The following SLC10A6 variants were observed in gnomAD, a reference collection of about 807,000 sequenced individuals.
SLC10A6 encodes the protein solute carrier family 10 member 6, also known as sodium-dependent organic anion transporter.
A neutral mutation model predicts 30.0 loss-of-function variants in SLC10A6; 27 were observed. That is an observed-to-expected ratio of 0.90 (90% CI 0.66 to 1.24). SLC10A6 has a LOEUF of 1.24. Among genes scored for constraint, SLC10A6 ranks in the 50% most tolerant of loss-of-function variants. SLC10A6 has a pLI of 0.00. For missense variants in SLC10A6, 439 were observed against 457.0 expected (o/e 0.96, Z 0.36); for synonymous variants, 166 against 173.8 (o/e 0.95, Z 0.36).
At chr4:86,839,154 G>C (rs189210407) in intron 1 of SLC10A6, among the ~76,000 whole-genome samples, 2 of 150,888 alleles carry the variant, frequency 1.3e-5, no homozygotes, top group Admixed American at 1.3e-4. Flanking sequence ...AAAGGAATCA[G>C]ACCAGGTGCA....
At chr4:86,842,819 T>TTTCTTTCTTTCTTTCTTTCC (rs1746318195) in intron 1 of SLC10A6, among the ~76,000 whole-genome samples, 1 of 42,634 alleles carries the variant, frequency 2.3e-5, no homozygotes, top group Non-Finnish European at 5.5e-5. Context: ...TCTTTCTTTC[T>TTTCTTTCTTTCTTTCTTTCC]TTCTTTCTTT....
At chr4:86,842,877 T>TCTTTCTTTCTTTCTTTCTTTCTTTCTTC (rs201477476) in intron 1 of SLC10A6, among the ~76,000 whole-genome samples, 1 of 119,782 alleles carries the variant, frequency 8.3e-6, no homozygotes, top group Non-Finnish European at 1.6e-5. Flanking sequence ...TTTCTTTCTT[T>TCTTTCTTTCTTTCTTTCTTTCTTTCTTC]TTTTTTTTGA....
rs141733078 is a variant in SLC10A6 at position 86,842,292 on chromosome 4, C to T, written c.377+6447G>A. 2.2e-3 allele frequency among the ~76,000 whole-genome samples: 337 copies of T among 152,338 alleles called. 2 individuals are homozygous for T. Among genetic ancestry groups the T allele is most frequent in the Non-Finnish European group, 3.4e-3 (230 of 68,028 alleles). ...AAAGTTGGCCACTGAGCTCCACAGG[C>T]TCCAACACCACCAGTGGTCAGAATC... On this transcript the variant is annotated intron_variant, in intron 1 of 5. Coordinates refer to ENST00000273905, the MANE Select transcript of SLC10A6 (RefSeq NM_197965.3).
chr4:86,839,470 C>T (rs1746254460), intron 1 of SLC10A6, among the ~76,000 whole-genome samples: 1 of 151,940 alleles, frequency 6.6e-6, no homozygotes, highest in Non-Finnish European at 1.5e-5. Flanking sequence ...AAAAAGGAAC[C>T]TTATAATATA....
Position 86,848,900 on chromosome 4 carries a change from C to G in SLC10A6, c.216G>C (p.Leu72=), listed in dbSNP as rs369732989. 10 of 1,614,090 alleles carry G rather than the reference C, an allele frequency of 6.2e-6. No homozygotes were observed. In the African/African-American group the frequency reaches 1.3e-4, roughly 22 times the overall value. Residue 72 remains leucine, a synonymous_variant, in exon 1 of 6, where the codon CTG becomes CTC. Transcript: ENST00000273905. ...IRRPWGIAVG[L]LCQFGLMPFT... ...AAGGCATGAGCCCAAACTGGCAGAG[C>G]AGTCCCACAGCAATGCCCCAGGGTC...
At chr4:86,825,830 C>T (rs1263530558) in intron 4 of SLC10A6, among the ~76,000 whole-genome samples, 1 of 152,022 alleles carries the variant, frequency 6.6e-6, no homozygotes, top group African/African-American at 2.4e-5. Flanking sequence ...GGTTCAGCAA[C>T]AACACAAGAC....
At chr4:86,842,878 T>TTTC (rs1560461956) in intron 1 of SLC10A6, among the ~76,000 whole-genome samples, 15 of 84,726 alleles carry the variant, frequency 1.8e-4, no homozygotes, top group Admixed American at 6.5e-4. Context: ...TTCTTTCTTT[T>TTTC]TTTTTTTGAG....
chr4:86,842,707 A>AG (rs1746310242), intron 1 of SLC10A6, among the ~76,000 whole-genome samples: 1 of 87,608 alleles, frequency 1.1e-5, no homozygotes, highest in African/African-American at 4.8e-5. Flanking sequence ...CAAAAAAAAA[A>AG]AAAAGAAAAG....
intron 3 of SLC10A6, 100 bp downstream of exon 3, chr4:86,831,692 G>C: frequency 1.1e-6 from 1 of 918,122 alleles, no homozygotes; most frequent in Non-Finnish European, 1.7e-6. Flanking sequence ...TGGGTGTGGG[G>C]CCGTACTCAA....
Position 86,823,603 on chromosome 4 carries a change from T to TACCAACA in SLC10A6, c.*78_*84dup. On this transcript the variant is annotated 3_prime_UTR_variant, in exon 6 of 6. Coordinates refer to ENST00000273905, the MANE Select transcript of SLC10A6 (RefSeq NM_197965.3). ...AACACTTAAATATTCACACTGGCCC[T>TACCAACA]ACCAACAAGATTCATGTGTCAGCTG... 9.2e-7 allele frequency: 1 copy of TACCAACA among 1,081,362 alleles called. No homozygotes were observed. The highest frequency in any genetic ancestry group is 1.3e-6 in the Non-Finnish European group (1 of 756,438). The allele number at this position is 1,081,362 out of a possible 1,614,324, so 67.0% of individuals were successfully genotyped here. A position where few individuals can be genotyped will look rare whatever the true frequency, so the allele number is the denominator to read the frequency against.
At chr4:86,844,131 T>TAG (rs1746354217) in intron 1 of SLC10A6, among the ~76,000 whole-genome samples, 1 of 152,080 alleles carries the variant, frequency 6.6e-6, no homozygotes, top group Non-Finnish European at 1.5e-5. Context: ...TGAGCCGAGA[T>TAG]CACGCCACTG....
intron 1 of SLC10A6, among the ~76,000 whole-genome samples, chr4:86,839,312 G>A (rs1440947033): frequency 2.7e-5 from 4 of 149,186 alleles, no homozygotes; most frequent in Admixed American, 6.7e-5. Context: ...TTAGCTGAAT[G>A]TGGTGGTACA....
At chr4:86,837,489 G>A (rs1464499329) in intron 1 of SLC10A6, 1 of 495,094 alleles carries the variant, frequency 2.0e-6, no homozygotes, top group Non-Finnish European at 2.6e-6. Flanking sequence ...TTTCATGAAA[G>A]CTAAGAAAAG....
At chr4:86,839,038 T>C (rs1425109298) in intron 1 of SLC10A6, among the ~76,000 whole-genome samples, 1 of 152,044 alleles carries the variant, frequency 6.6e-6, no homozygotes, top group Non-Finnish European at 1.5e-5. Context: ...TTGCAAGTAT[T>C]TGTGTACATC....
At chr4:86,848,208 C>A (rs549507098) in intron 1 of SLC10A6, among the ~76,000 whole-genome samples, 1 of 152,186 alleles carries the variant, frequency 6.6e-6, no homozygotes, top group Non-Finnish European at 1.5e-5. Flanking sequence ...GACAAGCCAT[C>A]TCAGCACTTA....
rs141146395 is a variant in SLC10A6, at chr4:86,836,326, G to A, written c.378-2902C>T. On this transcript the variant is annotated intron_variant, in intron 1 of 5. Transcript: ENST00000273905. ...TTGAAGTCCTCAAAAACTGTGTATC[G>A]TGATTACTGCTATGGTCTGAATGTG... 3.1e-3 allele frequency among the ~76,000 whole-genome samples: 469 copies of A among 152,302 alleles called. 2 individuals are homozygous for A. The highest frequency in any genetic ancestry group is 0.011 in the African/African-American group (444 of 41,570).
At chr4:86,832,056 A>G (rs188608766) in intron 2 of SLC10A6, among the ~76,000 whole-genome samples, 176 bp from the exon 3 acceptor site, 6 of 152,352 alleles carry the variant, frequency 3.9e-5, no homozygotes, top group African/African-American at 1.4e-4. Flanking sequence ...AGCTGCTCAT[A>G]ACATTTTGCG....
intron 1 of SLC10A6, among the ~76,000 whole-genome samples, chr4:86,838,241 C>T (rs1448012376): frequency 6.6e-6 from 1 of 152,136 alleles, no homozygotes; most frequent in African/African-American, 2.4e-5. Flanking sequence ...GAATCCATGG[C>T]CCTCTGGACA....
At chr4:86,847,957 T>C (rs1192750695) in intron 1 of SLC10A6, among the ~76,000 whole-genome samples, 1 of 152,180 alleles carries the variant, frequency 6.6e-6, no homozygotes, top group East Asian at 1.9e-4. Flanking sequence ...AATGCTCTTT[T>C]TTTCCCCCAT....
Sources: allele counts gnomAD v4.1 joint callset (sites outside exome capture counted in the v4.1 genomes callset), GRCh38; gene constraint gnomAD v4.1.1; transcripts MANE v1.5; gene names NCBI Gene and HGNC (gene_info 2026-07-23, HGNC 2026-07-21).